Variants in DOCK7 observed in about 807,000 individuals in gnomAD.
DOCK7 encodes dedicator of cytokinesis 7, also known as dedicator of cytokinesis protein 7.
In DOCK7, 138 loss-of-function variants were observed where a neutral mutation model predicts 271.0. The observed-to-expected ratio is 0.51, with a 90% CI of 0.44 to 0.59. The LOEUF is 0.59. Among genes scored for constraint, DOCK7 ranks in the 20% least tolerant of loss-of-function variants. DOCK7 has a pLI of 0.00. For synonymous variants in DOCK7, 823 were observed against 876.1 expected, an observed-to-expected ratio of 0.94 and a Z score of 1.07; for missense variants, 2,066 against 2,592.4, an observed-to-expected ratio of 0.80 and a Z score of 4.41.
intron 48 of DOCK7, among the ~76,000 whole-genome samples, chr1:62,472,970 T>C (rs1259036172): frequency 6.6e-6 from 1 of 152,178 alleles, no homozygotes; most frequent in Non-Finnish European, 1.5e-5. Context: ...AGAGGACCCG[T>C]TGAAGCTTGC....
chr1:62,558,860 C>A, intron 20 of DOCK7, 129 bp downstream of exon 20: 1 of 716,376 alleles, frequency 1.4e-6, no homozygotes, highest in South Asian at 2.3e-5. Context: ...AAGTAAATAA[C>A]ATCTTCCACC....
In DOCK7 at chr1:62,508,066, A is replaced by C; in HGVS notation, c.4380-8T>G. ...TCAATCTCTGCTCTTGATCTAATAC[A>C]AAATATTGTAAGAAATTATATTTAT... On this transcript the variant is annotated splice_region_variant and splice_polypyrimidine_tract_variant and intron_variant, in intron 34 of 49. Coordinates refer to ENST00000635253, the MANE Select transcript of DOCK7 (RefSeq NM_001367561.1). 1 of 1,585,834 alleles carries C rather than the reference A, an allele frequency of 6.3e-7. No individual in the cohort carries two copies. Among genetic ancestry groups the C allele is most frequent in the Non-Finnish European group, 8.5e-7 (1 of 1,170,760 alleles).
At chr1:62,660,272 T>C (rs896286669) in intron 2 of DOCK7, among the ~76,000 whole-genome samples, 3 of 152,036 alleles carry the variant, frequency 2.0e-5, no homozygotes, top group African/African-American at 7.2e-5. Context: ...AGAAAGATAA[T>C]AGGAAAATCT....
chr1:62,661,133 T>C (rs1191114894), intron 2 of DOCK7, among the ~76,000 whole-genome samples: 2 of 147,698 alleles, frequency 1.4e-5, no homozygotes, highest in East Asian at 3.9e-4. Flanking sequence ...ACAACCTGAA[T>C]AAACCTTTAA....
At position 62,688,318 on chromosome 1, in the gene DOCK7, C is replaced by A; in HGVS notation, c.-54G>T. On this transcript the variant is annotated 5_prime_UTR_variant, in exon 1 of 50. Coordinates refer to ENST00000635253, the MANE Select transcript of DOCK7 (RefSeq NM_001367561.1). ...GCGGCTGCGGCGGGCCGGGTGCGGA[C>A]CGGCGGGCGCGTGCCTCCTCGCTCG... The A allele has an allele frequency of 8.8e-7, 1 of 1,133,656 alleles. No homozygotes were observed. The allele number at this position is 1,133,656 out of a possible 1,614,324, so 70.2% of individuals were successfully genotyped here.
chr1:62,557,822 CTG>C (rs1339094518), intron 20 of DOCK7, among the ~76,000 whole-genome samples: 1 of 151,774 alleles, frequency 6.6e-6, no homozygotes, highest in Non-Finnish European at 1.5e-5. Flanking sequence ...ATTTCTGTAA[CTG>C]TACACTCTGT....
intron 15 of DOCK7, chr1:62,584,723 G>T: frequency 9.5e-7 from 1 of 1,054,994 alleles, no homozygotes; most frequent in East Asian, 2.6e-5. Flanking sequence ...GTAAGACATC[G>T]TCCCTGCCCT....
At chr1:62,551,509 G>A (rs1327170680) in intron 22 of DOCK7, among the ~76,000 whole-genome samples, 2 of 152,010 alleles carry the variant, frequency 1.3e-5, no homozygotes, top group African/African-American at 4.8e-5. Flanking sequence ...GAGGTGGAGT[G>A]GAAAACAAGA....
intron 29 of DOCK7, among the ~76,000 whole-genome samples, chr1:62,534,936 G>C (rs560411614): frequency 6.6e-6 from 1 of 151,838 alleles, no homozygotes; most frequent in South Asian, 2.1e-4. Flanking sequence ...ACTACAAAAA[G>C]AAAAATTAGC....
Position 62,457,814 on chromosome 1 carries a change from C to T in DOCK7, c.6213-109G>A, listed in dbSNP as rs530537188. ...ATATATATGTGGGCTTAATGACACA[C>T]AACACAGACTATATATGTGGGCCTA... is the stretch of plus-strand genomic sequence containing the variant. On this transcript the variant is annotated intron_variant, in intron 48 of 49. Transcript: ENST00000635253. 4 of 1,024,012 alleles carry T rather than the reference C, an allele frequency of 3.9e-6. No individual in the cohort carries two copies. In the South Asian group the frequency reaches 6.1e-5, roughly 16 times the overall value. The allele number at this position is 1,024,012 out of a possible 1,614,324, so 63.4% of individuals were successfully genotyped here.
chr1:62,524,454 A>T (rs761734459), intron 31 of DOCK7, among the ~76,000 whole-genome samples: 1 of 152,236 alleles, frequency 6.6e-6, no homozygotes, highest in Non-Finnish European at 1.5e-5. Flanking sequence ...ATAACCAAGG[A>T]TCAGAAACCA....
rs1048475508 is a variant in DOCK7 at position 62,501,102 on chromosome 1, C to T, written c.4764+3528G>A. ...GTGGCTCATACCTGCAGTCCCAGCACTTTGGAAGGCCGTGCAGGGAGGACT... is the reference window on the plus strand; with the variant it reads ...GTGGCTCATACCTGCAGTCCCAGCATTTTGGAAGGCCGTGCAGGGAGGACT... On this transcript the variant is annotated intron_variant, in intron 37 of 49. Coordinates refer to ENST00000635253, the MANE Select transcript of DOCK7 (RefSeq NM_001367561.1). Among the ~76,000 whole-genome samples the T allele has an allele frequency of 2.0e-5, 3 of 152,244 alleles. No homozygotes were observed. In the East Asian group the frequency reaches 5.8e-4, roughly 29 times the overall value.
chr1:62,594,553 G>A (rs1648939798), intron 14 of DOCK7, among the ~76,000 whole-genome samples: 1 of 151,970 alleles, frequency 6.6e-6, no homozygotes. Context: ...TTTGGTACTA[G>A]TGCTCAGTTA....
intron 48 of DOCK7, chr1:62,458,471 T>G (rs1000159010): frequency 1.3e-5 from 2 of 152,148 alleles, no homozygotes; most frequent in Admixed American, 1.3e-4. Flanking sequence ...CATGCTCATT[T>G]ATGTGGCACC....
At chr1:62,595,096 T>C (rs1420039212) in intron 14 of DOCK7, among the ~76,000 whole-genome samples, 1 of 152,182 alleles carries the variant, frequency 6.6e-6, no homozygotes, top group African/African-American at 2.4e-5. Context: ...TGTGGTTCTA[T>C]ATTGGACACT....
At chr1:62,615,702 T>C (rs936467726) in intron 14 of DOCK7, among the ~76,000 whole-genome samples, 2 of 151,738 alleles carry the variant, frequency 1.3e-5, no homozygotes, top group African/African-American at 4.8e-5. Flanking sequence ...AAATGGTTAT[T>C]CTATAAACAT....
At chr1:62,529,494 A>C (rs373260125) in intron 29 of DOCK7, 48 bp from the exon 30 acceptor site, 1 of 1,437,812 alleles carries the variant, frequency 7.0e-7, no homozygotes. Flanking sequence ...AAGGCCACAG[A>C]GATTAGCTAA....
intron 43 of DOCK7, among the ~76,000 whole-genome samples, chr1:62,480,454 A>G (rs1646087638): frequency 6.6e-6 from 1 of 152,242 alleles, no homozygotes; most frequent in East Asian, 1.9e-4. Flanking sequence ...ATGTATTCAA[A>G]TAATTACAAA....
intron 1 of DOCK7, among the ~76,000 whole-genome samples, chr1:62,682,984 G>C (rs1320080045): frequency 6.6e-6 from 1 of 152,110 alleles, no homozygotes; most frequent in Non-Finnish European, 1.5e-5. Context: ...AGGGAAAGAT[G>C]GTTAAGTCAC....
Sources: gnomAD v4.1 joint callset for allele counts (sites outside exome capture counted in the v4.1 genomes callset) on GRCh38, gnomAD v4.1.1 for gene constraint, MANE v1.5 for transcripts, NCBI Gene and HGNC (gene_info 2026-07-23, HGNC 2026-07-21) for gene names.